MYO3B: variants seen among roughly 807,000 people sequenced by gnomAD.
MYO3B encodes the protein myosin IIIB.
MYO3B carries 156 observed loss-of-function variants against 174.6 expected under a neutral mutation model. The ratio of observed to expected loss-of-function variants is 0.89; its 90% CI spans 0.78 to 1.02. The LOEUF (loss-of-function observed/expected upper bound fraction) is 1.02. Among genes scored for constraint, MYO3B ranks in the 50% least tolerant of loss-of-function variants. The pLI is 0.00. For missense variants in MYO3B, 1,632 were observed against 1,639.4 expected (o/e 1.00, Z 0.08); for synonymous variants, 563 against 569.1 (o/e 0.99, Z 0.15).
At position 170,200,273 on chromosome 2, in the gene MYO3B, C is replaced by T; in HGVS notation, c.310C>T (p.Leu104=). Residue 104 remains leucine, a synonymous_variant, in exon 3 of 35, where the codon CTG becomes TTG. Coordinates refer to ENST00000408978, the MANE Select transcript of MYO3B (RefSeq NM_138995.5). ...ADHCVGGQLW[L]VLELCNGGSV... ...TCACTGTGTAGGGGGACAGCTGTGG[C>T]TGGTCCTGGAGGTAAGAGGCTCCCA... is the stretch of plus-strand genomic sequence containing the variant. 6.2e-7 allele frequency: 1 copy of T among 1,611,656 alleles called. No individual in the cohort carries two copies.
chr2:170,639,863 G>C (rs1296882666), intron 32 of MYO3B, among the ~76,000 whole-genome samples: 1 of 152,146 alleles, frequency 6.6e-6, no homozygotes, highest in African/African-American at 2.4e-5. Flanking sequence ...CTTGGAATAA[G>C]AGAAATGATT....
rs532782176 is a variant in MYO3B, at chr2:170,178,238, G to T, written c.-50G>T. The T allele has an allele frequency of 6.2e-7, 1 of 1,613,086 alleles. No homozygotes were observed. The highest frequency in any genetic ancestry group is 1.1e-5 in the South Asian group (1 of 91,044). On this transcript the variant is annotated 5_prime_UTR_variant, in exon 1 of 35. It adds an upstream start codon to the 5' untranslated region. Transcript: ENST00000408978. ...CTGAAGTGTTCTGCTGGTTTTTGGAGGAATGAGAATCCAATCTCTCATAAG... is the reference window on the plus strand; with the variant it reads ...CTGAAGTGTTCTGCTGGTTTTTGGATGAATGAGAATCCAATCTCTCATAAG...
rs1279495357 is a variant in MYO3B, at chr2:170,631,699, G to A, written c.3734-19929G>A. 7.2e-5 allele frequency among the ~76,000 whole-genome samples: 11 copies of A among 151,992 alleles called. No homozygotes were observed. In the South Asian group the frequency reaches 1.0e-3, roughly 14 times the overall value. ...AAGGGAAGCCCATCAGACTAACAGT[G>A]GATCTCTCAGCAGAAACTCTACAAG... On this transcript the variant is annotated intron_variant, in intron 32 of 34. Transcript: ENST00000408978.
At chr2:170,460,211 C>T (rs35466523) in intron 23 of MYO3B, among the ~76,000 whole-genome samples, 11,916 of 152,070 alleles carry the variant, frequency 0.078, 562 homozygotes, top group Non-Finnish European at 0.1. Context: ...TATTCTAGGC[C>T]GGGCGTGGTG....
intron 7 of MYO3B, among the ~76,000 whole-genome samples, chr2:170,261,839 A>G (rs1185257104): frequency 6.6e-6 from 1 of 152,234 alleles, no homozygotes; most frequent in Admixed American, 6.5e-5. Flanking sequence ...GCTTAATCAA[A>G]GTTCAAATAT....
chr2:170,228,500 A>G (rs958638209), intron 6 of MYO3B, among the ~76,000 whole-genome samples: 5 of 152,180 alleles, frequency 3.3e-5, no homozygotes, highest in African/African-American at 9.7e-5. Flanking sequence ...TGGACATGCT[A>G]GGAGTTCTGT....
chr2:170,597,632 T>C (rs1446272494), intron 32 of MYO3B, among the ~76,000 whole-genome samples: 6 of 152,104 alleles, frequency 3.9e-5, no homozygotes, highest in Non-Finnish European at 7.4e-5. Context: ...CCACCCTGTC[T>C]AGTGGTTAGG....
At chr2:170,337,544 A>G (rs2093953513) in intron 8 of MYO3B, among the ~76,000 whole-genome samples, 2 of 152,178 alleles carry the variant, frequency 1.3e-5, no homozygotes, top group South Asian at 4.1e-4. Flanking sequence ...ATTTGAGAAT[A>G]AAGGTATATA....
At chr2:170,426,686 G>A (rs1444452841) in intron 22 of MYO3B, among the ~76,000 whole-genome samples, 4 of 152,118 alleles carry the variant, frequency 2.6e-5, no homozygotes, top group Admixed American at 2.6e-4. Context: ...TTACGCAGTA[G>A]CTGAAGAAAT....
At chr2:170,437,169 T>C (rs141162190) in intron 22 of MYO3B, among the ~76,000 whole-genome samples, 349 of 151,494 alleles carry the variant, frequency 2.3e-3, no homozygotes, top group Middle Eastern at 0.01. Flanking sequence ...CAAAACTTCA[T>C]TGGCCCCCAG....
At chr2:170,578,103 T>A (rs1692902412) in intron 32 of MYO3B, among the ~76,000 whole-genome samples, 1 of 152,176 alleles carries the variant, frequency 6.6e-6, no homozygotes, top group Admixed American at 6.5e-5. Context: ...CCTGCTTATG[T>A]TTGGCTGGTC....
intron 32 of MYO3B, chr2:170,601,622 ATCT>A (rs1340664455): frequency 1.0e-5 from 13 of 1,253,518 alleles, no homozygotes; most frequent in East Asian, 4.6e-5. Context: ...ATTCATCATC[ATCT>A]TCTTCATCTT....
intron 7 of MYO3B, among the ~76,000 whole-genome samples, chr2:170,303,549 T>G (rs1043295369): frequency 1.3e-5 from 2 of 152,162 alleles, no homozygotes; most frequent in South Asian, 2.1e-4. Context: ...TCATGAGGAT[T>G]TACTGTACAG....
At chr2:170,546,524 A>G (rs7583363) in intron 32 of MYO3B, among the ~76,000 whole-genome samples, 24,921 of 152,248 alleles carry the variant, frequency 0.16, 2,234 homozygotes, top group Middle Eastern at 0.23. Flanking sequence ...AATCCAAGCT[A>G]TTTCATTTTG....
At chr2:170,308,054 A>G (rs1444330394) in intron 7 of MYO3B, among the ~76,000 whole-genome samples, 1 of 152,212 alleles carries the variant, frequency 6.6e-6, no homozygotes, top group Non-Finnish European at 1.5e-5. Flanking sequence ...CCCCACATCT[A>G]GCCTGCTCTG....
Position 170,541,290 on chromosome 2 carries a change from G to T in MYO3B, c.3576-1616G>T, listed in dbSNP as rs115512909. 5.7e-3 allele frequency among the ~76,000 whole-genome samples: 867 copies of T among 152,284 alleles called. 3 individuals carry two copies. The highest frequency in any genetic ancestry group is 0.019 in the African/African-American group (793 of 41,544). On this transcript the variant is annotated intron_variant, in intron 30 of 34. Transcript: ENST00000408978. ...GATCTTAGAATCCACCCATCCTATAGGTGTGTCACAGCTACTGGGACTTGC... is the reference window on the plus strand; with the variant it reads ...GATCTTAGAATCCACCCATCCTATATGTGTGTCACAGCTACTGGGACTTGC...
intron 3 of MYO3B, among the ~76,000 whole-genome samples, chr2:170,202,630 A>C (rs1196079787): frequency 6.6e-6 from 1 of 152,170 alleles, no homozygotes; most frequent in Non-Finnish European, 1.5e-5. Context: ...GATGTTATCC[A>C]TTGGGTCATG....
chr2:170,570,922 A>T (rs1053268567), intron 32 of MYO3B, among the ~76,000 whole-genome samples: 17 of 152,188 alleles, frequency 1.1e-4, no homozygotes, highest in African/African-American at 4.1e-4. Flanking sequence ...TGTAGATGGA[A>T]CTCAATCTCT....
chr2:170,235,343 C>G (rs1363273742), intron 6 of MYO3B, among the ~76,000 whole-genome samples: 1 of 152,222 alleles, frequency 6.6e-6, no homozygotes, highest in Non-Finnish European at 1.5e-5. Flanking sequence ...GGGTTACAGA[C>G]TCCTCAACCC....
Sources: gnomAD v4.1 joint callset for allele counts (sites outside exome capture counted in the v4.1 genomes callset) on GRCh38, gnomAD v4.1.1 for gene constraint, MANE v1.5 for transcripts, NCBI Gene and HGNC (gene_info 2026-07-23, HGNC 2026-07-21) for gene names.